The following NECAB1 variants were observed in gnomAD, a reference collection of about 807,000 sequenced individuals.
NECAB1 encodes the protein N-terminal EF-hand calcium binding protein 1.
NECAB1 carries 29 observed loss-of-function variants against 57.5 expected under a neutral mutation model. The ratio of observed to expected loss-of-function variants is 0.50; its 90% CI spans 0.38 to 0.69. NECAB1 has a LOEUF of 0.69. Ranked by LOEUF, NECAB1 falls within the 30% of genes least tolerant of loss-of-function variation. The pLI is 0.00. For missense variants in NECAB1, 372 were observed against 413.8 expected, an observed-to-expected ratio of 0.90 and a Z score of 0.88; for synonymous variants, 142 against 147.7, an observed-to-expected ratio of 0.96 and a Z score of 0.28.
At chr8:90,834,563 C>T (rs1033932985) in intron 3 of NECAB1, among the ~76,000 whole-genome samples, 1 of 152,124 alleles carries the variant, frequency 6.6e-6, no homozygotes, top group Non-Finnish European at 1.5e-5. Context: ...TCTTAATCTT[C>T]GACTTAGCCT....
At chr8:90,908,123 G>C (rs1207200717) in intron 5 of NECAB1, among the ~76,000 whole-genome samples, 1 of 152,150 alleles carries the variant, frequency 6.6e-6, no homozygotes, top group Non-Finnish European at 1.5e-5. Flanking sequence ...TTATAGGACT[G>C]TGGTTAAAAT....
At chr8:90,862,296 CTG>C (rs1249914925) in intron 3 of NECAB1, among the ~76,000 whole-genome samples, 2 of 152,014 alleles carry the variant, frequency 1.3e-5, no homozygotes, top group Non-Finnish European at 2.9e-5. Context: ...ACACATGAAA[CTG>C]GAAATAATAG....
chr8:90,933,315 T>G (rs937048194), intron 8 of NECAB1, among the ~76,000 whole-genome samples: 19 of 152,162 alleles, frequency 1.2e-4, no homozygotes, highest in African/African-American at 4.3e-4. Context: ...TGCAAAAATG[T>G]GGAACCAACC....
intron 4 of NECAB1, among the ~76,000 whole-genome samples, chr8:90,879,600 A>G (rs549263127): frequency 4.6e-4 from 70 of 152,316 alleles, no homozygotes; most frequent in African/African-American, 1.7e-3. Context: ...TCAACATAGT[A>G]TAGACTCAGT....
chr8:90,876,591 T>A (rs751417059), intron 4 of NECAB1, among the ~76,000 whole-genome samples: 7 of 152,144 alleles, frequency 4.6e-5, no homozygotes, highest in Non-Finnish European at 8.8e-5. Flanking sequence ...AGGTGCAGGA[T>A]AGAAAAACAG....
At chr8:90,938,971 C>T (rs1461952430) in intron 9 of NECAB1, among the ~76,000 whole-genome samples, 3 of 152,144 alleles carry the variant, frequency 2.0e-5, no homozygotes, top group African/African-American at 4.8e-5. Context: ...TGAGCTTTCT[C>T]GTATGTCTAG....
intron 4 of NECAB1, among the ~76,000 whole-genome samples, chr8:90,877,134 A>G (rs773202714): frequency 6.6e-6 from 1 of 152,292 alleles, no homozygotes; most frequent in African/African-American, 2.4e-5. Flanking sequence ...GCCACTTCCA[A>G]ATATGTCACT....
At chr8:90,909,032 A>T (rs1192212048) in intron 5 of NECAB1, among the ~76,000 whole-genome samples, 2 of 152,278 alleles carry the variant, frequency 1.3e-5, no homozygotes, top group African/African-American at 4.8e-5. Flanking sequence ...TTTAGGCTTT[A>T]CTGATTGCCA....
At position 90,819,486 on chromosome 8, in the gene NECAB1, G is replaced by C. The variant is rs188792300; in HGVS notation, c.125-5231G>C. 2.3e-3 allele frequency among the ~76,000 whole-genome samples: 352 copies of C among 151,956 alleles called. 1 individual carries two copies. The highest frequency in any genetic ancestry group is 7.9e-3 in the African/African-American group (327 of 41,476). On this transcript the variant is annotated intron_variant, in intron 2 of 12. Coordinates refer to ENST00000417640, the MANE Select transcript of NECAB1 (RefSeq NM_022351.5). ...GGCTGTGTTTAATGTTTGCTCTAGT[G>C]GTAGGGCCAGAAGCTTCAAATTCCT...
At chr8:90,917,961 CATATGTGTGTGTGTGTATATATATACAT>C (rs1381137862) in intron 6 of NECAB1, among the ~76,000 whole-genome samples, 1 of 38,266 alleles carries the variant, frequency 2.6e-5, no homozygotes, top group Non-Finnish European at 3.7e-5. Context: ...TACACACACA[CATATGTGTGTGTGTGTATATATATACAT>C]ATATGTGTGT....
At chr8:90,809,855 A>T (rs1811922032) in intron 2 of NECAB1, among the ~76,000 whole-genome samples, 1 of 152,220 alleles carries the variant, frequency 6.6e-6, no homozygotes, top group African/African-American at 2.4e-5. Flanking sequence ...CCTCTATATT[A>T]TCAACTCTTT....
At chr8:90,796,494 A>G (rs1563489584) in intron 1 of NECAB1, among the ~76,000 whole-genome samples, 2 of 152,234 alleles carry the variant, frequency 1.3e-5, no homozygotes, top group Non-Finnish European at 2.9e-5. Context: ...TAATGTTTCA[A>G]AGATAACATT....
At chr8:90,892,817 C>T (rs185139844) in intron 5 of NECAB1, among the ~76,000 whole-genome samples, 1 of 152,038 alleles carries the variant, frequency 6.6e-6, no homozygotes, top group African/African-American at 2.4e-5. Flanking sequence ...TAAGACTGTC[C>T]CTCACCTCCT....
rs557092905 is a variant in NECAB1, at chr8:90,865,095, G to A, written c.234-7033G>A. Reference sequence around the variant, plus strand: ...TGTTATAGAAGAATGGAAGAAGGGCGGAGCAGAACAAGCATGGAATCCAAC... The same window carrying A: ...TGTTATAGAAGAATGGAAGAAGGGCAGAGCAGAACAAGCATGGAATCCAAC... On this transcript the variant is annotated intron_variant, in intron 3 of 12. Coordinates refer to ENST00000417640, the MANE Select transcript of NECAB1 (RefSeq NM_022351.5). Among the ~76,000 whole-genome samples, 5 of 152,122 alleles carry A rather than the reference G, an allele frequency of 3.3e-5. No individual in the cohort carries two copies. The South Asian group carries it at 6.2e-4, about 19-fold the overall frequency.
At position 90,958,426 on chromosome 8, in the gene NECAB1, A is replaced by G. The variant is rs1182516642; in HGVS notation, c.*2914A>G. ...ATTATGAATTTAAGACCATATTATTATCAAAAACCTAGAGACCAATCATAT... is the reference window on the plus strand; with the variant it reads ...ATTATGAATTTAAGACCATATTATTGTCAAAAACCTAGAGACCAATCATAT... On this transcript the variant is annotated 3_prime_UTR_variant, in exon 13 of 13. Transcript: ENST00000417640. The G allele has an allele frequency of 1.3e-5, 2 of 151,568 alleles. No homozygotes were observed. Among genetic ancestry groups the G allele is most frequent in the Non-Finnish European group, 3.0e-5 (2 of 67,666 alleles). 9.4% of individuals were successfully genotyped at this position (151,568 alleles called of 1,614,324 possible). A position where few individuals can be genotyped will look rare whatever the true frequency, so the allele number is the denominator to read the frequency against.
intron 2 of NECAB1, among the ~76,000 whole-genome samples, 172 bp from the exon 3 acceptor site, chr8:90,824,545 A>G (rs555953307): frequency 6.6e-6 from 1 of 151,992 alleles, no homozygotes; most frequent in South Asian, 2.1e-4. Context: ...TCTGTGTTCT[A>G]TGTTATATAA....
chr8:90,808,548 A>G (rs1382200624), intron 2 of NECAB1, among the ~76,000 whole-genome samples: 4 of 151,972 alleles, frequency 2.6e-5, no homozygotes, highest in East Asian at 1.9e-4. Context: ...TAGATCATAC[A>G]CAGAAACTCT....
intron 3 of NECAB1, among the ~76,000 whole-genome samples, chr8:90,859,605 GCTAT>G (rs1387500585): frequency 2.0e-5 from 3 of 152,108 alleles, no homozygotes; most frequent in South Asian, 4.1e-4. Context: ...GTCCCTTGAT[GCTAT>G]CTGAGAGGAC....
At chr8:90,945,684 G>C (rs1033564345) in intron 10 of NECAB1, among the ~76,000 whole-genome samples, 1 of 152,152 alleles carries the variant, frequency 6.6e-6, no homozygotes, top group Non-Finnish European at 1.5e-5. Flanking sequence ...ATTATGGGCA[G>C]TTTCCTCATT....
Sources: gnomAD v4.1 joint callset for allele counts (sites outside exome capture counted in the v4.1 genomes callset) on GRCh38, gnomAD v4.1.1 for gene constraint, MANE v1.5 for transcripts, NCBI Gene and HGNC (gene_info 2026-07-23, HGNC 2026-07-21) for gene names.